The following PIK3R3 variants were observed in gnomAD, a reference collection of about 807,000 sequenced individuals.
PIK3R3 encodes phosphoinositide-3-kinase regulatory subunit 3.
Under a neutral mutation model 62.9 loss-of-function variants are expected in PIK3R3, and 64 were observed. The observed-to-expected ratio is 1.02, with a 90% CI of 0.83 to 1.25. The LOEUF is 1.25. PIK3R3 is among the 50% of genes most tolerant of loss of function. PIK3R3 has a pLI of 0.00. For missense variants in PIK3R3, 614 were observed against 561.6 expected (o/e 1.09, Z -0.94); for synonymous variants, 165 against 189.0 (o/e 0.87, Z 1.04).
chr1:46,119,343 T>C lies in PIK3R3; in HGVS notation c.106+12504A>G, dbSNP rs116892954. Among the ~76,000 whole-genome samples the C allele has an allele frequency of 9.2e-5, 14 of 152,314 alleles. No homozygotes were observed. In the East Asian group the frequency reaches 2.7e-3, roughly 29 times the overall value. On this transcript the variant is annotated intron_variant, in intron 1 of 9. Coordinates refer to ENST00000262741, the MANE Select transcript of PIK3R3 (RefSeq NM_003629.4). ...ATGTTCTAGGTACCACACTAAGTACTTGACAGTTATTAATCTACTAAATCC... is the reference window on the plus strand; with the variant it reads ...ATGTTCTAGGTACCACACTAAGTACCTGACAGTTATTAATCTACTAAATCC...
intron 5 of PIK3R3, among the ~76,000 whole-genome samples, chr1:46,062,690 T>C (rs1170945656): frequency 6.6e-6 from 1 of 152,248 alleles, no homozygotes; most frequent in East Asian, 1.9e-4. Context: ...AAAACTGCTG[T>C]CCTGAATGTT....
chr1:46,101,303 C>T (rs1308030678), intron 1 of PIK3R3, among the ~76,000 whole-genome samples: 2 of 152,006 alleles, frequency 1.3e-5, no homozygotes, highest in Admixed American at 6.6e-5. Flanking sequence ...AGACCATCCT[C>T]ACCAACATGG....
In PIK3R3 at chr1:46,071,712, A is replaced by AATATATATAT. The variant is rs1553148027; in HGVS notation, c.315-4631_315-4622dup. ...CTCTGTCTCCAAAAAAAAAAAAAAAAATATATATATATATATATAGAGAGA... is the reference window on the plus strand; with the variant it reads ...CTCTGTCTCCAAAAAAAAAAAAAAAAATATATATATATATATATATATATATATAGAGAGA... On this transcript the variant is annotated intron_variant, in intron 3 of 9. Transcript: ENST00000262741. 1.2e-4 allele frequency among the ~76,000 whole-genome samples: 3 copies of AATATATATAT among 24,652 alleles called. 1 individual carries two copies. The highest frequency in any genetic ancestry group is 3.1e-4 in the African/African-American group (2 of 6,466). 16.2% of individuals were successfully genotyped at this position (24,652 alleles called of 152,430 possible).
At chr1:46,139,968 T>A in the PIK3R3 span, among the ~76,000 whole-genome samples, 1 of 152,128 alleles carries the variant, frequency 6.6e-6, no homozygotes. Context: ...GTCATACCTA[T>A]GAACTGCTCC....
Position 46,044,887 on chromosome 1 carries a change from C to CT in PIK3R3, c.1188-1017dup, listed in dbSNP as rs1208253044. Among the ~76,000 whole-genome samples, 1 of 152,214 alleles carries CT rather than the reference C, an allele frequency of 6.6e-6. No individual in the cohort carries two copies. The highest frequency in any genetic ancestry group is 1.5e-5 in the Non-Finnish European group (1 of 68,040). ...AACCAGGTAAACTTGGATTCAAACT[C>CT]TGACTCCATGATACAAGTAGAGCAC... On this transcript the variant is annotated intron_variant, in intron 9 of 9. Coordinates refer to ENST00000262741, the MANE Select transcript of PIK3R3 (RefSeq NM_003629.4). The surrounding 1 kb of genome is among the most constrained non-coding windows in gnomAD (Gnocchi z 4.2).
chr1:46,096,735 G>C (rs1652161885), intron 1 of PIK3R3, among the ~76,000 whole-genome samples: 1 of 151,832 alleles, frequency 6.6e-6, no homozygotes, highest in Non-Finnish European at 1.5e-5. Flanking sequence ...CAGCTACTTG[G>C]AAGGCTGAGG....
chr1:46,062,300 G>A (rs990155424), intron 5 of PIK3R3, among the ~76,000 whole-genome samples: 1 of 152,166 alleles, frequency 6.6e-6, no homozygotes, highest in African/African-American at 2.4e-5. Flanking sequence ...AATAGGCCAG[G>A]CGTGGTGGCT....
At position 46,057,275 on chromosome 1, in the gene PIK3R3, C is replaced by T. The variant is rs150465051; in HGVS notation, c.765-1304G>A. ...CATGATTGTGAGGCTTCCCAAGCCACGTGGAACTGTAAGCCTAATTAAGCC... is the reference window on the plus strand; with the variant it reads ...CATGATTGTGAGGCTTCCCAAGCCATGTGGAACTGTAAGCCTAATTAAGCC... On this transcript the variant is annotated intron_variant, in intron 6 of 9. Coordinates refer to ENST00000262741, the MANE Select transcript of PIK3R3 (RefSeq NM_003629.4). The T allele has an allele frequency of 3.1e-3, 470 of 152,542 alleles. 3 individuals carry two copies. The highest frequency in any genetic ancestry group is 0.021 in the East Asian group (111 of 5,198). The allele number at this position is 152,542 out of a possible 1,614,324, so 9.4% of individuals were successfully genotyped here. A position where few individuals can be genotyped will look rare whatever the true frequency, so the allele number is the denominator to read the frequency against.
At position 46,060,046 on chromosome 1, in the gene PIK3R3, G is replaced by A. The variant is rs925643926; in HGVS notation, c.764+1883C>T. Among the ~76,000 whole-genome samples the A allele has an allele frequency of 2.0e-5, 3 of 152,198 alleles. No individual in the cohort carries two copies. The South Asian group carries it at 6.2e-4, about 31-fold the overall frequency. On this transcript the variant is annotated intron_variant, in intron 6 of 9. Coordinates refer to ENST00000262741, the MANE Select transcript of PIK3R3 (RefSeq NM_003629.4). ...ACCCAGGAGGCGGAGGGTGCAGTGA[G>A]CCGAAATCGCACCACTGCACTCCAG...
In PIK3R3 at chr1:46,044,755, A is replaced by C. The variant is rs1395307871; in HGVS notation, c.1188-884T>G. Among the ~76,000 whole-genome samples the C allele has an allele frequency of 6.6e-6, 1 of 152,208 alleles. No homozygotes were observed. Among genetic ancestry groups the C allele is most frequent in the Non-Finnish European group, 1.5e-5 (1 of 68,030 alleles). Reference sequence around the variant, plus strand: ...TTTCTCCACTAAAATTAATGCTTCCACATGTGCACAGCCTACTAATAATAC... The same window carrying C: ...TTTCTCCACTAAAATTAATGCTTCCCCATGTGCACAGCCTACTAATAATAC... On this transcript the variant is annotated intron_variant, in intron 9 of 9. Coordinates refer to ENST00000262741, the MANE Select transcript of PIK3R3 (RefSeq NM_003629.4). The surrounding 1 kb of genome is among the most constrained non-coding windows in gnomAD (Gnocchi z 4.2).
At chr1:46,113,351 G>A (rs1033071751) in intron 1 of PIK3R3, among the ~76,000 whole-genome samples, 179 of 147,186 alleles carry the variant, frequency 1.2e-3, no homozygotes, top group African/African-American at 4.3e-3. Context: ...CCAGGCTGGA[G>A]TGCAATGACC....
the PIK3R3 span, among the ~76,000 whole-genome samples, chr1:46,171,082 G>A: frequency 6.6e-6 from 1 of 152,168 alleles, no homozygotes; most frequent in Non-Finnish European, 1.5e-5. Flanking sequence ...CTTGGCCTCA[G>A]TTTTGTGTTT....
At chr1:46,046,865 T>C in intron 7 of PIK3R3, 1 of 541,010 alleles carries the variant, frequency 1.8e-6, no homozygotes, top group Non-Finnish European at 3.3e-6. Flanking sequence ...AATTAGGCCC[T>C]TCACTTTTCA....
chr1:46,144,723 G>A, the PIK3R3 span, among the ~76,000 whole-genome samples: 118 of 149,704 alleles, frequency 7.9e-4, 1 homozygote, highest in East Asian at 0.018. Context: ...AGCCAAGATC[G>A]TGCCACTGCA....
At chr1:46,059,707 T>C (rs1648286244) in intron 6 of PIK3R3, among the ~76,000 whole-genome samples, 1 of 152,140 alleles carries the variant, frequency 6.6e-6, no homozygotes, top group Non-Finnish European at 1.5e-5. Flanking sequence ...GGCAAGTGGA[T>C]CCCGTGAGCC....
At position 46,045,926 on chromosome 1, in the gene PIK3R3, G is replaced by C; in HGVS notation, c.1179C>G (p.Cys393Trp). 1 of 1,612,812 alleles carries C rather than the reference G, an allele frequency of 6.2e-7. No individual in the cohort carries two copies. Among genetic ancestry groups the C allele is most frequent in the South Asian group, 1.1e-5 (1 of 91,002 alleles). Residue 393 changes from cysteine to tryptophan, a missense_variant, in exon 9 of 10, where the codon TGC (cysteine) becomes TGG (tryptophan). By Grantham distance (215) the Cys-to-Trp change is radical. Transcript: ENST00000262741. ...CCCCAGAGAAGACTTACACCACAGA[G>C]CAAGCATAGCATCCTTTCTTGCTAC... is the stretch of plus-strand genomic sequence containing the variant. ...RESSKKGCYA[C>W]SVVADGEVKH...
upstream of PIK3R3, among the ~76,000 whole-genome samples, chr1:46,137,172 G>A (rs1416706): frequency 0.69 from 104,615 of 152,026 alleles, 36,184 homozygotes; most frequent in African/African-American, 0.75. Context: ...TGCCTTTCCC[G>A]CTGCACCACA....
chr1:46,105,736 G>A (rs1024123736), intron 1 of PIK3R3, among the ~76,000 whole-genome samples: 7 of 150,560 alleles, frequency 4.6e-5, no homozygotes, highest in Non-Finnish European at 7.4e-5. Context: ...CATGAGAATC[G>A]CTTGAACCCC....
chr1:46,148,527 T>C, the PIK3R3 span, among the ~76,000 whole-genome samples: 1 of 152,186 alleles, frequency 6.6e-6, no homozygotes, highest in Non-Finnish European at 1.5e-5. Context: ...GATCACATGC[T>C]TACTCCTGAA....
Sources: allele counts gnomAD v4.1 joint callset (sites outside exome capture counted in the v4.1 genomes callset), GRCh38; gene constraint gnomAD v4.1.1; non-coding constraint Gnocchi (gnomAD v3.1); transcripts MANE v1.5; gene names NCBI Gene and HGNC (gene_info 2026-07-23, HGNC 2026-07-21).